SLC22A23: variants seen among roughly 807,000 people sequenced by gnomAD.
The protein encoded by SLC22A23 is solute carrier family 22 member 23.
SLC22A23 carries 26 observed loss-of-function variants against 61.0 expected under a neutral mutation model. The observed-to-expected ratio is 0.43, with a 90% CI of 0.31 to 0.59. The LOEUF (loss-of-function observed/expected upper bound fraction) is 0.59. SLC22A23 is among the 20% of genes least tolerant of loss of function. The probability of loss-of-function intolerance (pLI) is 0.11; values close to 1 mark genes in which losing one functional copy is unlikely to be tolerated. For missense variants in SLC22A23, 796 were observed against 934.7 expected (o/e 0.85, Z 1.94); for synonymous variants, 430 against 413.9 (o/e 1.04, Z -0.47).
intron 1 of SLC22A23, among the ~76,000 whole-genome samples, chr6:3,422,819 T>TAC (rs1770233771): frequency 6.6e-6 from 1 of 152,092 alleles, no homozygotes. Flanking sequence ...ATAACCATGG[T>TAC]ACATTGAGGG....
intron 4 of SLC22A23, among the ~76,000 whole-genome samples, chr6:3,321,982 A>G (rs1042475629): frequency 1.3e-5 from 2 of 152,184 alleles, no homozygotes; most frequent in African/African-American, 4.8e-5. Context: ...GTTTTCCTTT[A>G]ATGAGCAAGT....
At chr6:3,302,465 C>A (rs1761682357) in intron 4 of SLC22A23, among the ~76,000 whole-genome samples, 1 of 152,102 alleles carries the variant, frequency 6.6e-6, no homozygotes, top group Non-Finnish European at 1.5e-5. Context: ...TTCTTTCCTT[C>A]TACTACTTTT....
intron 3 of SLC22A23, among the ~76,000 whole-genome samples, chr6:3,347,529 A>G (rs905290591): frequency 1.3e-5 from 2 of 151,858 alleles, no homozygotes; most frequent in African/African-American, 4.8e-5. Context: ...CAGCCATGCA[A>G]TGAACTGCCA....
chr6:3,368,275 C>T (rs181936477), intron 3 of SLC22A23, among the ~76,000 whole-genome samples: 5 of 152,318 alleles, frequency 3.3e-5, no homozygotes, highest in Admixed American at 1.3e-4. Flanking sequence ...GCCAGGCTTC[C>T]CCGCGAGGCC....
intron 4 of SLC22A23, among the ~76,000 whole-genome samples, chr6:3,298,715 G>A (rs1761334441): frequency 6.6e-6 from 1 of 152,158 alleles, no homozygotes; most frequent in South Asian, 2.1e-4. Flanking sequence ...GCTCACGCCT[G>A]TAATCCCAGC....
intron 1 of SLC22A23, among the ~76,000 whole-genome samples, chr6:3,443,427 T>C (rs1222630168): frequency 6.6e-6 from 1 of 152,156 alleles, no homozygotes; most frequent in Non-Finnish European, 1.5e-5. Context: ...GGAGCTAATA[T>C]CTAAGGCCAT....
chr6:3,287,810 A>G (rs376662899), intron 6 of SLC22A23, among the ~76,000 whole-genome samples: 6 of 151,948 alleles, frequency 3.9e-5, no homozygotes, highest in East Asian at 3.9e-4. Context: ...CAGCCTCCCA[A>G]GTAGCTGGGA....
intron 1 of SLC22A23, among the ~76,000 whole-genome samples, chr6:3,451,610 G>A (rs1772158875): frequency 6.6e-6 from 1 of 152,166 alleles, no homozygotes; most frequent in Non-Finnish European, 1.5e-5. Flanking sequence ...TGAGAACTTG[G>A]GCTGCGCAGG....
chr6:3,366,215 C>T (rs1765804588), intron 3 of SLC22A23, among the ~76,000 whole-genome samples: 1 of 151,270 alleles, frequency 6.6e-6, no homozygotes, highest in African/African-American at 2.4e-5. Flanking sequence ...CACCTGTAGT[C>T]CCAGCTACTA....
chr6:3,395,316 A>T (rs1767936087), intron 3 of SLC22A23, among the ~76,000 whole-genome samples: 1 of 152,194 alleles, frequency 6.6e-6, no homozygotes, highest in Non-Finnish European at 1.5e-5. Flanking sequence ...TCTAACAGGT[A>T]TGAATAAAGT....
At chr6:3,303,112 A>G (rs1336984878) in intron 4 of SLC22A23, 2 of 152,210 alleles carry the variant, frequency 1.3e-5, no homozygotes, top group African/African-American at 4.8e-5. Flanking sequence ...AAAAAGCTCA[A>G]CATCACTAAT....
intron 3 of SLC22A23, among the ~76,000 whole-genome samples, chr6:3,365,551 G>C (rs1158327097): frequency 1.3e-5 from 2 of 152,132 alleles, no homozygotes; most frequent in Non-Finnish European, 2.9e-5. Flanking sequence ...GGAGCAGTGG[G>C]CGGACCTGAT....
At chr6:3,451,459 A>G (rs1381277577) in intron 1 of SLC22A23, among the ~76,000 whole-genome samples, 1 of 152,236 alleles carries the variant, frequency 6.6e-6, no homozygotes. Flanking sequence ...GGCCTCCCAA[A>G]GTGCTGGGAT....
At chr6:3,279,509 CAAAAAAAAAAAAAAAA>C (rs10642564) in intron 9 of SLC22A23, among the ~76,000 whole-genome samples, 1 of 36,016 alleles carries the variant, frequency 2.8e-5, no homozygotes, top group Non-Finnish European at 5.7e-5. Flanking sequence ...GGCTCCGTCT[CAAAAAAAAAAAAAAAA>C]AAAAAAAAAA....
intron 3 of SLC22A23, among the ~76,000 whole-genome samples, chr6:3,359,357 T>C (rs1387307967): frequency 6.6e-6 from 1 of 152,222 alleles, no homozygotes; most frequent in Non-Finnish European, 1.5e-5. Flanking sequence ...GTCACACATA[T>C]AACTATCCAT....
intron 4 of SLC22A23, among the ~76,000 whole-genome samples, chr6:3,316,662 G>A (rs778983436): frequency 9.2e-5 from 14 of 152,200 alleles, no homozygotes; most frequent in Non-Finnish European, 1.8e-4. Flanking sequence ...TTAAGAGATA[G>A]GGTCTTGCTC....
Position 3,324,625 on chromosome 6 carries a change from G to C in SLC22A23, c.914-623C>G, listed in dbSNP as rs1330555241. ...CAAGACAAAAACCAACAATAAGGCT[G>C]ACTCAGATCATATAGCAATGACCCT... On this transcript the variant is annotated intron_variant, in intron 3 of 9. Transcript: ENST00000406686. This position sits in a 1 kb window ranked among gnomAD's most constrained non-coding sequence, Gnocchi z 4.3. 6.6e-6 allele frequency among the ~76,000 whole-genome samples: 1 copy of C among 152,162 alleles called. No homozygotes were observed. Among genetic ancestry groups the C allele is most frequent in the Non-Finnish European group, 1.5e-5 (1 of 68,038 alleles).
Position 3,271,801 on chromosome 6 carries a change from C to T in SLC22A23, c.*1254G>A, listed in dbSNP as rs1425077609. 6.6e-6 allele frequency: 1 copy of T among 152,284 alleles called. No homozygotes were observed. Among genetic ancestry groups the T allele is most frequent in the Non-Finnish European group, 1.5e-5 (1 of 68,044 alleles). The allele number at this position is 152,284 out of a possible 1,614,324, so 9.4% of individuals were successfully genotyped here. A position where few individuals can be genotyped will look rare whatever the true frequency, so the allele number is the denominator to read the frequency against. ...GGTGAAACGAGGAACACGAAGAGAC[C>T]CATGGAGGTCGAGGCAGGGGCAGCG... On this transcript the variant is annotated 3_prime_UTR_variant, in exon 10 of 10. Transcript: ENST00000406686.
rs898218747 is a variant in SLC22A23, at chr6:3,286,380, G to T, written c.1546+479C>A. Among the ~76,000 whole-genome samples, 1 of 152,200 alleles carries T rather than the reference G, an allele frequency of 6.6e-6. No individual in the cohort carries two copies. The highest frequency in any genetic ancestry group is 2.4e-5 in the African/African-American group (1 of 41,444). On this transcript the variant is annotated intron_variant, in intron 7 of 9. Coordinates refer to ENST00000406686, the MANE Select transcript of SLC22A23 (RefSeq NM_015482.2). The surrounding 1 kb of genome is among the most constrained non-coding windows in gnomAD (Gnocchi z 4.2). ...CTCCCAAAGTGCTGGGATTACAGGCGTGAGCCACCGCACCCGGCCAGATTA... is the reference window on the plus strand; with the variant it reads ...CTCCCAAAGTGCTGGGATTACAGGCTTGAGCCACCGCACCCGGCCAGATTA...
Sources: allele counts gnomAD v4.1 joint callset (sites outside exome capture counted in the v4.1 genomes callset), GRCh38; gene constraint gnomAD v4.1.1; non-coding constraint Gnocchi (gnomAD v3.1); transcripts MANE v1.5; gene names NCBI Gene and HGNC (gene_info 2026-07-23, HGNC 2026-07-21).